UBXN2B: variants seen among roughly 807,000 people sequenced by gnomAD.
UBXN2B encodes UBX domain-containing protein 2B.
Under a neutral mutation model 37.5 loss-of-function variants are expected in UBXN2B, and 19 were observed. That is an observed-to-expected ratio of 0.51 (90% CI 0.35 to 0.74). The LOEUF is 0.74. Ranked by LOEUF, UBXN2B falls within the 30% of genes least tolerant of loss-of-function variation. The pLI is 0.01. For synonymous variants in UBXN2B, 145 were observed against 143.8 expected (o/e 1.01, Z -0.06); for missense variants, 370 against 393.2 (o/e 0.94, Z 0.50).
chr8:58,420,803 A>G (rs1219314465), intron 2 of UBXN2B, among the ~76,000 whole-genome samples: 2 of 152,252 alleles, frequency 1.3e-5, no homozygotes, highest in African/African-American at 4.8e-5. Context: ...GTGAAAAAAG[A>G]ACAAATTTTT....
chr8:58,438,251 G>A (rs1034023200), intron 5 of UBXN2B, among the ~76,000 whole-genome samples: 3 of 152,232 alleles, frequency 2.0e-5, no homozygotes, highest in Admixed American at 6.5e-5. Flanking sequence ...AGAGGGCCAC[G>A]CCAAAGGGAA....
intron 7 of UBXN2B, among the ~76,000 whole-genome samples, chr8:58,446,907 C>T (rs1224492468): frequency 6.9e-6 from 1 of 145,798 alleles, no homozygotes; most frequent in African/African-American, 2.5e-5. Flanking sequence ...AAGCAATTCT[C>T]ATGCTCAGCC....
At chr8:58,433,288 A>G (rs897699883) in intron 4 of UBXN2B, 45 bp downstream of exon 4, 8 of 1,481,066 alleles carry the variant, frequency 5.4e-6, no homozygotes, top group South Asian at 1.2e-5. Context: ...ATTTGCTTCT[A>G]GTTACTAAAA....
chr8:58,425,566 T>A, intron 2 of UBXN2B: 1 of 1,061,478 alleles, frequency 9.4e-7, no homozygotes, highest in Admixed American at 1.7e-5. Flanking sequence ...TTCTTGCCTT[T>A]TACCCTCTTT....
At chr8:58,438,595 G>T (rs2081688) in intron 5 of UBXN2B, among the ~76,000 whole-genome samples, 42,648 of 152,128 alleles carry the variant, frequency 0.28, 6,548 homozygotes, top group Admixed American at 0.45. Context: ...CTCTCTTTTG[G>T]AATGGGAATG....
chr8:58,425,690 AT>A lies in UBXN2B; in HGVS notation c.189-4826del, dbSNP rs977419553. 3.0e-4 allele frequency: 348 copies of A among 1,166,432 alleles called. 1 individual carries two copies. Among genetic ancestry groups the A allele is most frequent in the South Asian group, 2.6e-3 (213 of 81,908 alleles). 72.3% of individuals were successfully genotyped at this position (1,166,432 alleles called of 1,614,324 possible). ...ATTTGCTTAGTTCTCGAATTCTGCT[AT>A]TTCAGCAACATTTATACGAGTCGTG... On this transcript the variant is annotated intron_variant, in intron 2 of 7. Transcript: ENST00000399598.
At chr8:58,435,175 T>A (rs1379807194) in intron 5 of UBXN2B, 28 of 1,312,354 alleles carry the variant, frequency 2.1e-5, no homozygotes. Flanking sequence ...AACTGGGGAA[T>A]TAAGTTGTAG....
At position 58,449,080 on chromosome 8, in the gene UBXN2B, T is replaced by A. The variant is rs1408030950; in HGVS notation, c.*1529T>A. 6.6e-6 allele frequency: 1 copy of A among 152,198 alleles called. No individual in the cohort carries two copies. The highest frequency in any genetic ancestry group is 1.5e-5 in the Non-Finnish European group (1 of 68,044). The allele number at this position is 152,198 out of a possible 1,614,324, so 9.4% of individuals were successfully genotyped here. On this transcript the variant is annotated 3_prime_UTR_variant, in exon 8 of 8. Coordinates refer to ENST00000399598, the MANE Select transcript of UBXN2B (RefSeq NM_001077619.2). Reference sequence around the variant, plus strand: ...TGTTTCATCTCTATGACCCTTCTGTTACCACATCTCTCTGACACCAGTGTG... The same window carrying A: ...TGTTTCATCTCTATGACCCTTCTGTAACCACATCTCTCTGACACCAGTGTG...
At chr8:58,425,491 T>C in intron 2 of UBXN2B, 1 of 1,118,264 alleles carries the variant, frequency 8.9e-7, no homozygotes, top group Non-Finnish European at 1.4e-6. Flanking sequence ...GGGATCACCA[T>C]CGTGTAGGAC....
intron 6 of UBXN2B, among the ~76,000 whole-genome samples, chr8:58,443,800 T>C (rs558674707): frequency 2.2e-4 from 33 of 152,208 alleles, no homozygotes; most frequent in African/African-American, 7.2e-4. Context: ...AGAGCAACAC[T>C]GCATCCCAGA....
intron 4 of UBXN2B, among the ~76,000 whole-genome samples, chr8:58,433,713 A>C (rs1808341463): frequency 6.6e-6 from 1 of 152,060 alleles, no homozygotes; most frequent in Admixed American, 6.5e-5. Flanking sequence ...AGGTGGGCAG[A>C]TTGTTTGAGC....
chr8:58,430,813 T>TC, intron 3 of UBXN2B, 144 bp downstream of exon 3: 1 of 677,942 alleles, frequency 1.5e-6, no homozygotes, highest in South Asian at 7.2e-5. Context: ...ATAATATTTC[T>TC]ATTAATGATT....
At chr8:58,420,345 A>AT (rs1313135773) in intron 2 of UBXN2B, among the ~76,000 whole-genome samples, 3 of 152,102 alleles carry the variant, frequency 2.0e-5, no homozygotes, top group Non-Finnish European at 2.9e-5. Context: ...TTTTAATGTC[A>AT]TTTTTTTAAA....
At chr8:58,414,695 C>T (rs1807727060) in intron 1 of UBXN2B, among the ~76,000 whole-genome samples, 1 of 151,784 alleles carries the variant, frequency 6.6e-6, no homozygotes, top group Non-Finnish European at 1.5e-5. Flanking sequence ...TGAACTCATG[C>T]CATATGATGC....
chr8:58,440,294 G>A lies in UBXN2B; in HGVS notation c.671+524G>A, dbSNP rs564176156. On this transcript the variant is annotated intron_variant, in intron 6 of 7. Transcript: ENST00000399598. The stretch of plus-strand genomic sequence containing the variant: ...ATACCTTACATCACAACTTAAGCAT[G>A]CATGTCTGCCATCAGTAATGACCAA... Among the ~76,000 whole-genome samples, 4 of 152,336 alleles carry A rather than the reference G, an allele frequency of 2.6e-5. No individual in the cohort carries two copies. The South Asian group carries it at 8.3e-4, about 32-fold the overall frequency.
chr8:58,434,423 A>G lies in UBXN2B; in HGVS notation c.452A>G (p.Asn151Ser), dbSNP rs201936054. 9.3e-6 allele frequency: 14 copies of G among 1,504,376 alleles called. No homozygotes were observed. Among genetic ancestry groups the G allele is most frequent in the East Asian group, 2.4e-5 (1 of 40,942 alleles). 93.2% of individuals were successfully genotyped at this position (1,504,376 alleles called of 1,614,324 possible). A position where few individuals can be genotyped will look rare whatever the true frequency, so the allele number is the denominator to read the frequency against. The change falls in exon 5 of 8, where the codon AAT becomes AGT. Residue 151 changes from asparagine to serine, a missense_variant. Transcript: ENST00000399598. Reference sequence around the variant, plus strand: ...CAGATTTTGCTTAAACTGTGGAGCAATGGTTTCAGTTTAGATGATGGAGAA... The same window carrying G: ...CAGATTTTGCTTAAACTGTGGAGCAGTGGTTTCAGTTTAGATGATGGAGAA... ...DVQILLKLWS[N>S]GFSLDDGELR...
intron 2 of UBXN2B, among the ~76,000 whole-genome samples, chr8:58,429,994 C>T (rs750011478): frequency 6.6e-6 from 1 of 152,114 alleles, no homozygotes; most frequent in South Asian, 2.1e-4. Flanking sequence ...TTTTAACAAA[C>T]GCAGGGGCTT....
At chr8:58,431,534 G>A (rs1412489687) in intron 3 of UBXN2B, among the ~76,000 whole-genome samples, 1 of 152,148 alleles carries the variant, frequency 6.6e-6, no homozygotes, top group Non-Finnish European at 1.5e-5. Context: ...GAGCAATTGG[G>A]TACAGGTTTT....
rs750313202 is a variant in UBXN2B, at chr8:58,430,558, A to G, written c.228A>G (p.Ile76Met). The G allele has an allele frequency of 6.9e-6, 11 of 1,604,744 alleles. No homozygotes were observed. The highest frequency in any genetic ancestry group is 1.3e-5 in the African/African-American group (1 of 74,634). The change falls in exon 3 of 8, where the codon ATA becomes ATG. Residue 76 changes from isoleucine to methionine, a missense_variant. By Grantham distance (10) the Ile-to-Met change is conservative. Transcript: ENST00000399598. ...SSEHEYSGLN[I>M]VRPSTGKIVN... is the part of the protein sequence containing the mutation. ...AACATGAATACAGTGGATTAAATAT[A>G]GTTCGACCTTCAACTGGGAAAATTG...
Sources: gnomAD v4.1 joint callset for allele counts (sites outside exome capture counted in the v4.1 genomes callset) on GRCh38, gnomAD v4.1.1 for gene constraint, MANE v1.5 for transcripts, NCBI Gene and HGNC (gene_info 2026-07-23, HGNC 2026-07-21) for gene names.